The following FAM169A variants were observed in gnomAD, a reference collection of about 807,000 sequenced individuals.
The protein encoded by FAM169A is soluble lamin-associated protein of 75 kDa.
FAM169A carries 24 observed loss-of-function variants against 75.7 expected under a neutral mutation model. The ratio of observed to expected loss-of-function variants is 0.32; its 90% CI spans 0.23 to 0.45. FAM169A has a LOEUF of 0.45. FAM169A is among the 20% of genes least tolerant of loss of function. The pLI, the probability that FAM169A is intolerant of heterozygous loss-of-function variation, is 1.00. For missense variants in FAM169A, 673 were observed against 784.0 expected (o/e 0.86, Z 1.69); for synonymous variants, 271 against 271.0 (o/e 1.00, Z 0.00).
chr5:74,818,813 A>C (rs1226799002), intron 5 of FAM169A, among the ~76,000 whole-genome samples: 33 of 150,948 alleles, frequency 2.2e-4, no homozygotes, highest in East Asian at 1.4e-3. Flanking sequence ...CTATATATAT[A>C]TATATATATA....
intron 6 of FAM169A, among the ~76,000 whole-genome samples, chr5:74,810,398 G>A (rs915573826): frequency 6.6e-6 from 1 of 152,080 alleles, no homozygotes; most frequent in African/African-American, 2.4e-5. Context: ...ACAGTAGCAA[G>A]GGTCCATATG....
At chr5:74,860,827 T>TA (rs11293001) in intron 1 of FAM169A, among the ~76,000 whole-genome samples, 1,460 of 71,550 alleles carry the variant, frequency 0.02, 25 homozygotes, top group East Asian at 0.097. Flanking sequence ...AATGTAGCAC[T>TA]AAAAAAAAAA....
chr5:74,777,657 C>T lies in FAM169A; in HGVS notation c.*3803G>A, dbSNP rs1296073969. 1.3e-5 allele frequency: 2 copies of T among 151,680 alleles called. No individual in the cohort carries two copies. The highest frequency in any genetic ancestry group is 4.8e-5 in the African/African-American group (2 of 41,350). 9.4% of individuals were successfully genotyped at this position (151,680 alleles called of 1,614,324 possible). ...TGATTAATTGTGCCTTTAACAAAGT[C>T]ATTCAATGTCTAAACAAATTCAGTA... On this transcript the variant is annotated 3_prime_UTR_variant, in exon 13 of 13. Coordinates refer to ENST00000687041, the MANE Select transcript of FAM169A (RefSeq NM_001376049.1).
At chr5:74,846,605 CTAAA>C (rs1270611922) in intron 1 of FAM169A, among the ~76,000 whole-genome samples, 1 of 152,162 alleles carries the variant, frequency 6.6e-6, no homozygotes, top group Non-Finnish European at 1.5e-5. Flanking sequence ...AATAGGTCAT[CTAAA>C]TAAAGAATCC....
At chr5:74,860,605 T>TA (rs953498122) in intron 1 of FAM169A, among the ~76,000 whole-genome samples, 2 of 152,144 alleles carry the variant, frequency 1.3e-5, no homozygotes, top group African/African-American at 4.8e-5. Context: ...GAGAGGGATC[T>TA]AGGCCAATAA....
intron 12 of FAM169A, 119 bp from the exon 13 acceptor site, chr5:74,782,127 A>G (rs1409977815): frequency 1.2e-5 from 9 of 755,686 alleles, no homozygotes; most frequent in East Asian, 8.0e-5. Flanking sequence ...ATTACTCAAA[A>G]TCGAGTATTT....
intron 5 of FAM169A, among the ~76,000 whole-genome samples, chr5:74,830,354 G>T (rs970890597): frequency 2.8e-4 from 42 of 152,166 alleles, no homozygotes; most frequent in African/African-American, 1.0e-3. Context: ...ATGATCTGTT[G>T]CTACAAGCCT....
intron 1 of FAM169A, among the ~76,000 whole-genome samples, chr5:74,845,630 AAAAACAG>A (rs1749115684): frequency 6.6e-6 from 1 of 152,226 alleles, no homozygotes; most frequent in Non-Finnish European, 1.5e-5. Context: ...ATCAAAACTT[AAAAACAG>A]AAAGCACAAA....
intron 10 of FAM169A, 37 bp downstream of exon 10, chr5:74,800,841 TAC>T: frequency 8.3e-7 from 1 of 1,201,314 alleles, no homozygotes; most frequent in Non-Finnish European, 1.1e-6. Context: ...AAAATAAAAG[TAC>T]AAATAAAAAA....
intron 11 of FAM169A, 72 bp downstream of exon 11, chr5:74,795,958 T>C: frequency 1.3e-6 from 2 of 1,482,962 alleles, no homozygotes; most frequent in South Asian, 1.3e-5. Flanking sequence ...TATACTTTTC[T>C]AACAACATGT....
chr5:74,835,119 C>T (rs1421969913), intron 4 of FAM169A, among the ~76,000 whole-genome samples: 1 of 152,044 alleles, frequency 6.6e-6, no homozygotes, highest in Non-Finnish European at 1.5e-5. Context: ...TCATCTTTTC[C>T]TGGTAAAATG....
At chr5:74,841,988 T>C (rs1561319605) in intron 1 of FAM169A, among the ~76,000 whole-genome samples, 1 of 151,798 alleles carries the variant, frequency 6.6e-6, no homozygotes, top group Non-Finnish European at 1.5e-5. Context: ...AAAATACACA[T>C]ATAAATATAC....
Position 74,782,016 on chromosome 5 carries a change from T to C in FAM169A, c.1465-8A>G. 1 of 1,588,128 alleles carries C rather than the reference T, an allele frequency of 6.3e-7. No homozygotes were observed. The highest frequency in any genetic ancestry group is 1.8e-5 in the Admixed American group (1 of 55,684). The stretch of plus-strand genomic sequence containing the variant: ...GTCAGGTATACGTGGGGTCTGAAAA[T>C]TAAAAACCTGGTCAACAAATAAACT... On this transcript the variant is annotated splice_region_variant and splice_polypyrimidine_tract_variant and intron_variant, in intron 12 of 12. Transcript: ENST00000687041.
chr5:74,845,491 C>T (rs1172440079), intron 1 of FAM169A, among the ~76,000 whole-genome samples: 1 of 152,118 alleles, frequency 6.6e-6, no homozygotes, highest in African/African-American at 2.4e-5. Context: ...GCACTCCAGC[C>T]TGGGTGACAG....
At chr5:74,841,419 T>C (rs754652644) in intron 2 of FAM169A, 126 bp downstream of exon 2, 15 of 695,992 alleles carry the variant, frequency 2.2e-5, no homozygotes, top group South Asian at 8.9e-5. Context: ...TTTTACTGAA[T>C]AGATTTCTGT....
At chr5:74,866,100 G>T in intron 1 of FAM169A, 65 bp downstream of exon 1, 1 of 829,102 alleles carries the variant, frequency 1.2e-6, no homozygotes, top group Non-Finnish European at 1.5e-6. Flanking sequence ...GCGGGGGCGC[G>T]GGGCCCGGCG....
At chr5:74,852,882 G>A (rs764483429) in intron 1 of FAM169A, among the ~76,000 whole-genome samples, 26 of 152,178 alleles carry the variant, frequency 1.7e-4, no homozygotes, top group Non-Finnish European at 8.8e-5. Flanking sequence ...GCTACATATA[G>A]GTTGGATTGG....
At chr5:74,785,902 C>T (rs1745672755) in intron 11 of FAM169A, among the ~76,000 whole-genome samples, 1 of 152,178 alleles carries the variant, frequency 6.6e-6, no homozygotes, top group African/African-American at 2.4e-5. Flanking sequence ...ATGGCTAATA[C>T]TGTCAACTTG....
At chr5:74,786,834 T>C (rs1561286978) in intron 11 of FAM169A, among the ~76,000 whole-genome samples, 1 of 152,214 alleles carries the variant, frequency 6.6e-6, no homozygotes, top group African/African-American at 2.4e-5. Flanking sequence ...GTGTCTACTC[T>C]TAAAGTGAGG....
Sources: gnomAD v4.1 joint callset for allele counts (sites outside exome capture counted in the v4.1 genomes callset) on GRCh38, gnomAD v4.1.1 for gene constraint, MANE v1.5 for transcripts, NCBI Gene and HGNC (gene_info 2026-07-23, HGNC 2026-07-21) for gene names.